The following NRIP1 variants were observed in gnomAD, a reference collection of about 807,000 sequenced individuals.
NRIP1 encodes the protein nuclear receptor-interacting protein 1.
NRIP1 carries 28 observed loss-of-function variants against 75.0 expected under a neutral mutation model. The observed-to-expected ratio is 0.37, with a 90% CI of 0.28 to 0.51. The LOEUF (loss-of-function observed/expected upper bound fraction) is 0.51. Ranked by LOEUF, NRIP1 falls within the 20% of genes least tolerant of loss-of-function variation. The pLI, the probability that NRIP1 is intolerant of heterozygous loss-of-function variation, is 0.92. For synonymous variants in NRIP1, 526 were observed against 487.6 expected (o/e 1.08, Z -1.04); for missense variants, 1,435 against 1,343.7 (o/e 1.07, Z -1.06).
intron 1 of NRIP1, chr21:15,051,176 G>A (rs563450728): frequency 9.6e-6 from 3 of 311,986 alleles, no homozygotes; most frequent in Admixed American, 4.5e-5. Context: ...CTGTGCCTCC[G>A]AGAACTCATG....
intron 2 of NRIP1, among the ~76,000 whole-genome samples, chr21:15,018,333 C>T (rs533181691): frequency 1.3e-5 from 2 of 151,960 alleles, no homozygotes; most frequent in Admixed American, 1.3e-4. Flanking sequence ...ATGAATAAGA[C>T]GAACACAGTT....
At chr21:14,986,710 GTCTATAATTAGAAA>G (rs748647614) in intron 3 of NRIP1, among the ~76,000 whole-genome samples, 32 of 152,220 alleles carry the variant, frequency 2.1e-4, no homozygotes, top group Non-Finnish European at 2.8e-4. Flanking sequence ...AAATTTCCTT[GTCTATAATTAGAAA>G]ACGGAGATTT....
At chr21:14,996,731 G>A (rs1045062935) in intron 3 of NRIP1, among the ~76,000 whole-genome samples, 3 of 151,978 alleles carry the variant, frequency 2.0e-5, no homozygotes, top group Non-Finnish European at 4.4e-5. Flanking sequence ...CCGAATTTTT[G>A]CTAAATATAA....
intron 3 of NRIP1, among the ~76,000 whole-genome samples, chr21:14,978,044 C>T (rs915957690): frequency 1.3e-5 from 2 of 152,084 alleles, no homozygotes; most frequent in Admixed American, 1.3e-4. Context: ...ATTTTTTGGC[C>T]CAAGGCCAAA....
At chr21:14,985,687 C>A (rs909817741) in intron 3 of NRIP1, among the ~76,000 whole-genome samples, 1 of 151,986 alleles carries the variant, frequency 6.6e-6, no homozygotes, top group Non-Finnish European at 1.5e-5. Context: ...AATTTGGTTT[C>A]TTTTAGTTGC....
chr21:14,967,856 C>G lies in NRIP1; in HGVS notation c.337G>C (p.Glu113Gln). 1 of 1,614,068 alleles carries G rather than the reference C, an allele frequency of 6.2e-7. No homozygotes were observed. The highest frequency in any genetic ancestry group is 8.5e-7 in the Non-Finnish European group (1 of 1,180,024). ...TCAACCATGCCAGCTAGCAAAGCTTCCTTCTTTACGTTTAAATTCATGATA... is the reference window on the plus strand; with the variant it reads ...TCAACCATGCCAGCTAGCAAAGCTTGCTTCTTTACGTTTAAATTCATGATA... Reference protein sequence around the residue: ...DSIMNLNVKKEALLAGMVDSV... With the variant: ...DSIMNLNVKKQALLAGMVDSV... Residue 113 changes from glutamate (E) to glutamine (Q), a missense_variant, in exon 4 of 4, where the codon GAA becomes CAA. Physicochemically the swap from Glu to Gln is conservative, Grantham distance 29. Coordinates refer to ENST00000318948, the MANE Select transcript of NRIP1 (RefSeq NM_003489.4).
Position 14,977,141 on chromosome 21 carries a change from C to T in NRIP1, c.-334-8615G>A, listed in dbSNP as rs189514451. Among the ~76,000 whole-genome samples the T allele has an allele frequency of 8.6e-4, 131 of 152,228 alleles. 1 individual carries two copies. Among genetic ancestry groups the T allele is most frequent in the South Asian group, 3.9e-3 (19 of 4,816 alleles). On this transcript the variant is annotated intron_variant, in intron 3 of 3. Transcript: ENST00000318948. ...GGACAATATTATTATCTATATTCCACTGTGGATAATTTCAGGGGTATTTTT... is the reference window on the plus strand; with the variant it reads ...GGACAATATTATTATCTATATTCCATTGTGGATAATTTCAGGGGTATTTTT...
At chr21:14,993,038 G>A (rs2087616541) in intron 3 of NRIP1, among the ~76,000 whole-genome samples, 2 of 152,082 alleles carry the variant, frequency 1.3e-5, no homozygotes, top group South Asian at 4.1e-4. Flanking sequence ...GATAAAAATG[G>A]TTAAACCTTA....
chr21:15,005,619 A>G (rs1252060239), intron 3 of NRIP1, among the ~76,000 whole-genome samples: 1 of 152,158 alleles, frequency 6.6e-6, no homozygotes, highest in Non-Finnish European at 1.5e-5. Flanking sequence ...AATCTCTTCA[A>G]AGGTTTTCCG....
Position 14,964,556 on chromosome 21 carries a change from T to G in NRIP1, c.*160A>C. The G allele has an allele frequency of 1.8e-6, 1 of 568,272 alleles. No individual in the cohort carries two copies. The highest frequency in any genetic ancestry group is 3.6e-5 in the South Asian group (1 of 28,088). The allele number at this position is 568,272 out of a possible 1,614,324, so 35.2% of individuals were successfully genotyped here. A position where few individuals can be genotyped will look rare whatever the true frequency, so the allele number is the denominator to read the frequency against. On this transcript the variant is annotated 3_prime_UTR_variant, in exon 4 of 4. Coordinates refer to ENST00000318948, the MANE Select transcript of NRIP1 (RefSeq NM_003489.4). ...ATGACATCTAATGTTAAGCAAAAAT[T>G]AGTATGCATATTTCAACATCACCAG...
intron 2 of NRIP1, among the ~76,000 whole-genome samples, chr21:15,022,586 C>T (rs2088405059): frequency 6.6e-6 from 1 of 152,172 alleles, no homozygotes; most frequent in Admixed American, 6.5e-5. Context: ...AAATACACTG[C>T]CACTTCTCTC....
chr21:14,994,444 A>G (rs1220622253), intron 3 of NRIP1, among the ~76,000 whole-genome samples: 3 of 152,208 alleles, frequency 2.0e-5, no homozygotes, highest in South Asian at 2.1e-4. Flanking sequence ...AGTTTTCTTG[A>G]GTGCTATCTA....
At chr21:14,997,046 T>G (rs1297084494) in intron 3 of NRIP1, among the ~76,000 whole-genome samples, 1 of 152,154 alleles carries the variant, frequency 6.6e-6, no homozygotes, top group African/African-American at 2.4e-5. Flanking sequence ...CTTTCCTGCC[T>G]TCCTGAGAAA....
At chr21:15,002,485 C>T (rs1221511160) in intron 3 of NRIP1, 1 of 152,154 alleles carries the variant, frequency 6.6e-6, no homozygotes, top group Admixed American at 6.6e-5. Context: ...CACACACACA[C>T]ACACGCACCC....
At position 15,058,831 on chromosome 21, in the gene NRIP1, T is replaced by C. The variant is rs58630413; in HGVS notation, c.-538+5914A>G. ...CTATAAGGAAAGCCATCTTAGACAC[T>C]ATATGTGACTACAGCTAAGCTTTTC... On this transcript the variant is annotated intron_variant, in intron 1 of 3. Coordinates refer to ENST00000318948, the MANE Select transcript of NRIP1 (RefSeq NM_003489.4). 0.012 allele frequency among the ~76,000 whole-genome samples: 1,879 copies of C among 152,284 alleles called. 209 individuals carry two copies. In the East Asian group the frequency reaches 0.26, roughly 21 times the overall value.
chr21:14,965,529 T>C lies in NRIP1; in HGVS notation c.2664A>G (p.Glu888=). ...VDAANNHSAP[E]VLYGSLLNQE... ...GGTTAAGCAAGGACCCATACAGTAC[T>C]TCTGGGGCACTGTGATTGTTTGCAG... Residue 888 remains glutamate, a synonymous_variant, in exon 4 of 4, where the codon GAA becomes GAG. Coordinates refer to ENST00000318948, the MANE Select transcript of NRIP1 (RefSeq NM_003489.4). 6.2e-7 allele frequency: 1 copy of C among 1,614,044 alleles called. No individual in the cohort carries two copies. Among genetic ancestry groups the C allele is most frequent in the Non-Finnish European group, 8.5e-7 (1 of 1,179,926 alleles).
At chr21:14,973,920 A>C (rs28737255) in intron 3 of NRIP1, among the ~76,000 whole-genome samples, 2,817 of 150,926 alleles carry the variant, frequency 0.019, 91 homozygotes, top group African/African-American at 0.063. Flanking sequence ...CTTAGCCTCA[A>C]GTGGTCCTCC....
chr21:14,976,105 TAATAAAATTCA>T (rs961069014), intron 3 of NRIP1, among the ~76,000 whole-genome samples: 5 of 152,184 alleles, frequency 3.3e-5, no homozygotes, highest in African/African-American at 1.2e-4. Context: ...TATTTCATGA[TAATAAAATTCA>T]TGTCCAACTA....
intron 2 of NRIP1, among the ~76,000 whole-genome samples, chr21:15,018,540 A>C (rs1490729695): frequency 6.6e-6 from 1 of 152,202 alleles, no homozygotes; most frequent in Non-Finnish European, 1.5e-5. Flanking sequence ...CAATAAAAGA[A>C]ATAGTGTATG....
Sources: gnomAD v4.1 joint callset for allele counts (sites outside exome capture counted in the v4.1 genomes callset) on GRCh38, gnomAD v4.1.1 for gene constraint, MANE v1.5 for transcripts, NCBI Gene and HGNC (gene_info 2026-07-23, HGNC 2026-07-21) for gene names.